The following CDKAL1 variants were observed in gnomAD, a reference collection of about 807,000 sequenced individuals.
The protein encoded by CDKAL1 is threonylcarbamoyladenosine tRNA methylthiotransferase.
CDKAL1 carries 32 observed loss-of-function variants against 68.2 expected under a neutral mutation model. The observed-to-expected ratio is 0.47, with a 90% confidence interval of 0.35 to 0.63. The LOEUF (loss-of-function observed/expected upper bound fraction) is 0.63, where lower values mean the gene tolerates loss of function less well. Among genes scored for constraint, CDKAL1 ranks in the 30% least tolerant of loss-of-function variants. The pLI is 0.00. For missense variants in CDKAL1, 606 were observed against 696.7 expected, an observed-to-expected ratio of 0.87 and a Z score of 1.47; for synonymous variants, 234 against 244.3, an observed-to-expected ratio of 0.96 and a Z score of 0.39.
intron 12 of CDKAL1, among the ~76,000 whole-genome samples, chr6:21,092,027 C>G (rs1197665715): frequency 1.3e-5 from 2 of 150,350 alleles, no homozygotes; most frequent in Non-Finnish European, 3.0e-5. Context: ...GCTGGGACTA[C>G]AGGCGCCCGC....
At chr6:20,555,771 C>T (rs559445421) in intron 4 of CDKAL1, among the ~76,000 whole-genome samples, 6 of 151,602 alleles carry the variant, frequency 4.0e-5, no homozygotes, top group Non-Finnish European at 7.4e-5. Flanking sequence ...TACAGGCACC[C>T]GCCACCACGC....
chr6:21,157,193 A>T (rs1403580308), intron 13 of CDKAL1, among the ~76,000 whole-genome samples: 1 of 152,226 alleles, frequency 6.6e-6, no homozygotes, highest in East Asian at 1.9e-4. Flanking sequence ...TGTTAGAATG[A>T]TGCTGATAAT....
At chr6:21,198,293 G>C (rs1354046488) in intron 14 of CDKAL1, among the ~76,000 whole-genome samples, 189 bp downstream of exon 14, 1 of 152,198 alleles carries the variant, frequency 6.6e-6, no homozygotes, top group Non-Finnish European at 1.5e-5. Flanking sequence ...CTGTACAAAG[G>C]AATAGGTGTA....
At position 21,230,831 on chromosome 6, in the gene CDKAL1, T is replaced by C. The variant is rs768392968; in HGVS notation, c.1549-17T>C. 1 of 1,555,706 alleles carries C rather than the reference T, an allele frequency of 6.4e-7. No homozygotes were observed. The highest frequency in any genetic ancestry group is 2.3e-5 in the East Asian group (1 of 43,848). Reference sequence around the variant, plus strand: ...TGCATCTAAAAATAATTTTTTCCTCTGTTTCTCTCTTTATAGGACTTCAGA... The same window carrying C: ...TGCATCTAAAAATAATTTTTTCCTCCGTTTCTCTCTTTATAGGACTTCAGA... On this transcript the variant is annotated splice_polypyrimidine_tract_variant and intron_variant, in intron 15 of 15. Coordinates refer to ENST00000274695, the MANE Select transcript of CDKAL1 (RefSeq NM_017774.3).
Position 20,598,763 on chromosome 6 carries a change from A to G in CDKAL1, c.286+50058A>G, listed in dbSNP as rs150791974. 4.4e-3 allele frequency among the ~76,000 whole-genome samples: 673 copies of G among 152,290 alleles called. 7 individuals carry two copies. The highest frequency in any genetic ancestry group is 0.015 in the African/African-American group (632 of 41,562). Reference sequence around the variant, plus strand: ...TAAGATTTCTGCCTCTGGAAGATGAAAGGGGACATTTATTTTTCATATGCT... The same window carrying G: ...TAAGATTTCTGCCTCTGGAAGATGAGAGGGGACATTTATTTTTCATATGCT... On this transcript the variant is annotated intron_variant, in intron 4 of 15. Transcript: ENST00000274695.
At chr6:21,216,958 C>T (rs1582435941) in intron 15 of CDKAL1, among the ~76,000 whole-genome samples, 1 of 152,166 alleles carries the variant, frequency 6.6e-6, no homozygotes, top group East Asian at 1.9e-4. Context: ...CCTCCTGTCT[C>T]CCACAGTGGC....
intron 5 of CDKAL1, among the ~76,000 whole-genome samples, chr6:20,699,696 G>C (rs969175010): frequency 3.3e-5 from 5 of 152,088 alleles, no homozygotes; most frequent in African/African-American, 1.2e-4. Context: ...GAGAATAAAA[G>C]CTCGTCAAGC....
chr6:20,930,543 A>G (rs1763392133), intron 9 of CDKAL1, among the ~76,000 whole-genome samples: 1 of 152,234 alleles, frequency 6.6e-6, no homozygotes, highest in South Asian at 2.1e-4. Flanking sequence ...TTCCAAAGGC[A>G]ATGGCCGCTG....
intron 4 of CDKAL1, among the ~76,000 whole-genome samples, chr6:20,636,562 T>C (rs1392481093): frequency 2.0e-5 from 3 of 152,200 alleles, no homozygotes; most frequent in Admixed American, 6.5e-5. Flanking sequence ...AATTTGGCTA[T>C]CATCTCAGCC....
intron 11 of CDKAL1, 137 bp downstream of exon 11, chr6:21,000,509 A>G (rs1767372462): frequency 4.3e-6 from 3 of 700,236 alleles, no homozygotes; most frequent in Non-Finnish European, 7.0e-6. Flanking sequence ...AAAGCCTTTA[A>G]GTCTCCTTGG....
chr6:20,578,438 T>C (rs991295266), intron 4 of CDKAL1, among the ~76,000 whole-genome samples: 1 of 152,242 alleles, frequency 6.6e-6, no homozygotes, highest in African/African-American at 2.4e-5. Context: ...GTATGTACTT[T>C]TATGTCTGGC....
chr6:21,038,503 G>A (rs528078165), intron 11 of CDKAL1, among the ~76,000 whole-genome samples: 1 of 152,240 alleles, frequency 6.6e-6, no homozygotes, highest in Admixed American at 6.5e-5. Context: ...TTTTTACAAA[G>A]GTATTCAGAG....
intron 13 of CDKAL1, among the ~76,000 whole-genome samples, chr6:21,185,165 C>A (rs1002163114): frequency 2.6e-5 from 4 of 151,030 alleles, no homozygotes; most frequent in African/African-American, 9.7e-5. Context: ...AACTTGCAGA[C>A]ATGGCAATGT....
intron 8 of CDKAL1, among the ~76,000 whole-genome samples, chr6:20,791,114 G>A (rs773767776): frequency 2.0e-5 from 3 of 152,116 alleles, no homozygotes; most frequent in Non-Finnish European, 4.4e-5. Flanking sequence ...CTGGGGACCC[G>A]ACACCCTCTG....
intron 10 of CDKAL1, among the ~76,000 whole-genome samples, chr6:20,994,073 C>T (rs9350310): frequency 0.19 from 29,575 of 152,198 alleles, 3,053 homozygotes; most frequent in Admixed American, 0.27. Context: ...CTCAGAGCAC[C>T]GAGCTGCTCA....
At chr6:21,039,358 T>C (rs1443681959) in intron 11 of CDKAL1, among the ~76,000 whole-genome samples, 1 of 152,136 alleles carries the variant, frequency 6.6e-6, no homozygotes, top group African/African-American at 2.4e-5. Flanking sequence ...GCTAAAAAGT[T>C]TGGGGACTGC....
intron 9 of CDKAL1, among the ~76,000 whole-genome samples, chr6:20,924,847 A>G (rs1464066608): frequency 2.0e-5 from 3 of 152,240 alleles, no homozygotes; most frequent in East Asian, 1.9e-4. Flanking sequence ...CAGATTTTCA[A>G]TATAGATGAA....
chr6:20,825,075 C>T (rs565069488), intron 8 of CDKAL1, among the ~76,000 whole-genome samples: 48 of 152,130 alleles, frequency 3.2e-4, no homozygotes, highest in Middle Eastern at 3.4e-3. Flanking sequence ...TGCCAAATCC[C>T]GACTCCTTGG....
At chr6:20,754,893 A>T (rs2150343978) in intron 6 of CDKAL1, among the ~76,000 whole-genome samples, 1 of 152,256 alleles carries the variant, frequency 6.6e-6, no homozygotes, top group South Asian at 2.1e-4. Context: ...GTTCATATAG[A>T]TTTATGGCTG....
Sources: gnomAD v4.1 joint callset for allele counts (sites outside exome capture counted in the v4.1 genomes callset) on GRCh38, gnomAD v4.1.1 for gene constraint, MANE v1.5 for transcripts, NCBI Gene and HGNC (gene_info 2026-07-23, HGNC 2026-07-21) for gene names.